Variants in FSTL5 observed in about 807,000 individuals in gnomAD.
FSTL5 encodes the protein follistatin-related protein 5.
In FSTL5, 62 loss-of-function variants were observed where a neutral mutation model predicts 89.1. The observed-to-expected ratio is 0.70, with a 90% CI of 0.57 to 0.86. The LOEUF is 0.86. FSTL5 is among the 40% of genes least tolerant of loss of function. The pLI is 0.00. For missense variants in FSTL5, 1,057 were observed against 1,001.6 expected (o/e 1.06, Z -0.75); for synonymous variants, 383 against 346.2 (o/e 1.11, Z -1.18).
At chr4:161,875,532 C>T (rs560394310) in intron 4 of FSTL5, among the ~76,000 whole-genome samples, 2 of 152,256 alleles carry the variant, frequency 1.3e-5, no homozygotes, top group Admixed American at 1.3e-4. Flanking sequence ...AATGGGAAAC[C>T]TCTAGGGAGT....
intron 6 of FSTL5, among the ~76,000 whole-genome samples, chr4:161,669,111 CA>C (rs33950474): frequency 1.6e-3 from 167 of 104,658 alleles, no homozygotes; most frequent in African/African-American, 4.2e-3. Context: ...GACTCTGTCT[CA>C]AAAAAAAAAA....
intron 4 of FSTL5, among the ~76,000 whole-genome samples, chr4:161,867,429 A>G (rs974570256): frequency 6.6e-6 from 1 of 152,014 alleles, no homozygotes; most frequent in African/African-American, 2.4e-5. Flanking sequence ...AATAGGCAAT[A>G]TAAAGACAAA....
At chr4:161,914,163 A>T (rs1733775889) in intron 4 of FSTL5, among the ~76,000 whole-genome samples, 1 of 152,140 alleles carries the variant, frequency 6.6e-6, no homozygotes, top group African/African-American at 2.4e-5. Context: ...GAACTGACGA[A>T]ATGTTCTTGT....
chr4:161,648,424 T>G (rs1736225798), intron 7 of FSTL5, among the ~76,000 whole-genome samples: 1 of 152,124 alleles, frequency 6.6e-6, no homozygotes, highest in Non-Finnish European at 1.5e-5. Flanking sequence ...GCACACCCTG[T>G]TAAGTGGACA....
intron 7 of FSTL5, among the ~76,000 whole-genome samples, chr4:161,606,323 A>G (rs1040373170): frequency 2.1e-5 from 3 of 145,110 alleles, no homozygotes; most frequent in Non-Finnish European, 4.5e-5. Context: ...GGCTCACTGC[A>G]ACCTCCGACT....
At chr4:161,477,341 A>AT (rs1440676776) in intron 13 of FSTL5, among the ~76,000 whole-genome samples, 2 of 149,664 alleles carry the variant, frequency 1.3e-5, no homozygotes, top group Non-Finnish European at 3.0e-5. Flanking sequence ...AAGTATATAT[A>AT]TTTTTTTCCA....
intron 4 of FSTL5, among the ~76,000 whole-genome samples, chr4:161,896,271 T>C (rs1440604): frequency 0.56 from 84,813 of 151,988 alleles, 23,891 homozygotes; most frequent in East Asian, 0.66. Context: ...ATGAAACACA[T>C]GAAATAGTTG....
intron 8 of FSTL5, among the ~76,000 whole-genome samples, chr4:161,573,442 G>T (rs1330182968): frequency 2.1e-5 from 3 of 145,628 alleles, no homozygotes; most frequent in Non-Finnish European, 4.5e-5. Context: ...GAGAGAGAGA[G>T]ATAAAAGAAA....
At chr4:161,774,086 C>A (rs531612158) in intron 5 of FSTL5, among the ~76,000 whole-genome samples, 4 of 152,064 alleles carry the variant, frequency 2.6e-5, no homozygotes, top group Non-Finnish European at 5.9e-5. Flanking sequence ...ATGGTGAAAC[C>A]CCGTCTCTAC....
chr4:161,649,964 C>A (rs565638472), intron 7 of FSTL5, among the ~76,000 whole-genome samples: 1 of 152,280 alleles, frequency 6.6e-6, no homozygotes, highest in African/African-American at 2.4e-5. Context: ...AAGCCATGGT[C>A]TTGGAATGCT....
In FSTL5 at chr4:161,658,912, A is replaced by G. The variant is rs139488770; in HGVS notation, c.728-2418T>C. 3.5e-3 allele frequency among the ~76,000 whole-genome samples: 535 copies of G among 152,296 alleles called. 2 individuals are homozygous for G. The highest frequency in any genetic ancestry group is 0.012 in the African/African-American group (510 of 41,570). ...GGCTATTCTGCCATTTAGAAATACA[A>G]TTGCTACTAAGTTACCCTGGAATCT... is the stretch of plus-strand genomic sequence containing the variant. On this transcript the variant is annotated intron_variant, in intron 6 of 15. Coordinates refer to ENST00000306100, the MANE Select transcript of FSTL5 (RefSeq NM_020116.5).
intron 7 of FSTL5, among the ~76,000 whole-genome samples, chr4:161,642,257 T>C (rs1056933907): frequency 9.2e-5 from 14 of 152,180 alleles, no homozygotes; most frequent in African/African-American, 3.4e-4. Flanking sequence ...CAATACAATA[T>C]TGTTAACTAT....
chr4:161,492,086 C>G (rs1380931167), intron 12 of FSTL5, among the ~76,000 whole-genome samples: 6 of 152,082 alleles, frequency 3.9e-5, no homozygotes, highest in Admixed American at 3.9e-4. Flanking sequence ...GCCTAGTTTC[C>G]TGATCTTTTG....
chr4:161,807,062 T>G (rs1485286005), intron 4 of FSTL5, among the ~76,000 whole-genome samples: 1 of 152,118 alleles, frequency 6.6e-6, no homozygotes, highest in Non-Finnish European at 1.5e-5. Context: ...GGAATATCTT[T>G]TATTACAATA....
chr4:161,976,139 AG>A (rs1183778833), intron 3 of FSTL5, among the ~76,000 whole-genome samples: 24 of 150,502 alleles, frequency 1.6e-4, no homozygotes, highest in South Asian at 6.3e-4. Context: ...AAAAAAAAAA[AG>A]ATTACCTCCA....
intron 4 of FSTL5, among the ~76,000 whole-genome samples, chr4:161,789,886 A>AAATGTAAAATGCTT (rs1190065572): frequency 1.3e-5 from 2 of 152,196 alleles, no homozygotes; most frequent in Non-Finnish European, 2.9e-5. Flanking sequence ...TGAAAAGGTA[A>AAATGTAAAATGCTT]TCCAGATAGA....
At chr4:161,537,714 C>T (rs1298810630) in intron 10 of FSTL5, among the ~76,000 whole-genome samples, 1 of 152,132 alleles carries the variant, frequency 6.6e-6, no homozygotes, top group African/African-American at 2.4e-5. Flanking sequence ...GCAGTTACCA[C>T]TGAACCTTCT....
Position 161,459,288 on chromosome 4 carries a change from A to G in FSTL5, c.1640T>C (p.Leu547Ser). ...AVSTDPVPVK[L>S]HYDKSHDQVW... ...CTGATCATGTGATTTGTCATAGTGT[A>G]ATTTAACTGGGACAGGGTCTGTGCT... The change falls in exon 14 of 16, where the codon TTA becomes TCA. Residue 547 changes from leucine (L) to serine (S), a missense_variant. Physicochemically the swap from Leu to Ser is moderately radical, Grantham distance 145. Coordinates refer to ENST00000306100, the MANE Select transcript of FSTL5 (RefSeq NM_020116.5). The G allele has an allele frequency of 3.1e-6, 5 of 1,613,366 alleles. No individual in the cohort carries two copies. The highest frequency in any genetic ancestry group is 4.2e-6 in the Non-Finnish European group (5 of 1,179,456).
intron 6 of FSTL5, among the ~76,000 whole-genome samples, chr4:161,692,822 C>G (rs1737993375): frequency 6.6e-6 from 1 of 152,148 alleles, no homozygotes; most frequent in Non-Finnish European, 1.5e-5. Flanking sequence ...CTCCCTAGTT[C>G]AAGTGATTCT....
Sources: gnomAD v4.1 joint callset for allele counts (sites outside exome capture counted in the v4.1 genomes callset) on GRCh38, gnomAD v4.1.1 for gene constraint, MANE v1.5 for transcripts, NCBI Gene and HGNC (gene_info 2026-07-23, HGNC 2026-07-21) for gene names.